Variants in MTA3 observed in about 807,000 individuals in gnomAD.
MTA3 encodes the protein metastasis associated 1 family member 3, also known as metastasis-associated protein MTA3.
Under a neutral mutation model 83.5 loss-of-function variants are expected in MTA3, and 34 were observed. That is an observed-to-expected ratio of 0.41 (90% confidence interval 0.31 to 0.54). MTA3 has a LOEUF of 0.54. Among genes scored for constraint, MTA3 ranks in the 20% least tolerant of loss-of-function variants. The pLI is 0.33. For missense variants in MTA3, 761 were observed against 726.4 expected (o/e 1.05, Z -0.55); for synonymous variants, 303 against 252.7 (o/e 1.20, Z -1.89).
intron 8 of MTA3, among the ~76,000 whole-genome samples, chr2:42,663,837 T>C (rs1380740796): frequency 6.6e-6 from 1 of 152,186 alleles, no homozygotes; most frequent in African/African-American, 2.4e-5. Context: ...CCCTTCAGTG[T>C]TTTTTATCTC....
chr2:42,662,252 G>A (rs1029216111), intron 8 of MTA3, among the ~76,000 whole-genome samples: 4 of 151,930 alleles, frequency 2.6e-5, no homozygotes. Flanking sequence ...TACTCATAAT[G>A]CTATGTTGAA....
chr2:42,615,467 T>C (rs974570582), intron 4 of MTA3, among the ~76,000 whole-genome samples: 2 of 151,940 alleles, frequency 1.3e-5, no homozygotes, highest in Admixed American at 6.6e-5. Context: ...GCGATTCTCT[T>C]GTCTCTGCCT....
In MTA3 at chr2:42,712,213, G is replaced by T. The variant is rs543224745; in HGVS notation, c.1525+3117G>T. Among the ~76,000 whole-genome samples, 8 of 152,286 alleles carry T rather than the reference G, an allele frequency of 5.3e-5. No homozygotes were observed. In the East Asian group the frequency reaches 1.5e-3, roughly 29 times the overall value. ...ATTCATAAAATATCTCAAAGAATAT[G>T]TAAAGAGTAATGACATCTGAGGTAA... On this transcript the variant is annotated intron_variant, in intron 14 of 16. Coordinates refer to ENST00000405094, the MANE Select transcript of MTA3 (RefSeq NM_001330442.2).
intron 6 of MTA3, among the ~76,000 whole-genome samples, chr2:42,652,377 C>G (rs891269185): frequency 2.6e-5 from 4 of 152,204 alleles, no homozygotes; most frequent in Non-Finnish European, 5.9e-5. Context: ...GATCTCCCCC[C>G]ATCCCCCCAC....
In MTA3 at chr2:42,659,840, C is replaced by T; in HGVS notation, c.680C>T (p.Ala227Val). ...RQPSLHMSAA[A>V]ASRDITLFHA... ...CCTAGTTTGCATATGAGTGCTGCTG[C>T]AGCTTCCCGAGACATCACCTTGGTA... is the stretch of plus-strand genomic sequence containing the variant. The change falls in exon 8 of 17, where the codon GCA (alanine) becomes GTA (valine). Residue 227 changes from alanine (A) to valine (V), a missense_variant. Coordinates refer to ENST00000405094, the MANE Select transcript of MTA3 (RefSeq NM_001330442.2). 6.2e-7 allele frequency: 1 copy of T among 1,604,798 alleles called. No homozygotes were observed. The highest frequency in any genetic ancestry group is 8.5e-7 in the Non-Finnish European group (1 of 1,175,708).
chr2:42,702,116 C>T (rs537937305), intron 11 of MTA3, among the ~76,000 whole-genome samples: 2 of 152,086 alleles, frequency 1.3e-5, no homozygotes, highest in African/African-American at 4.8e-5. Flanking sequence ...GAGGCTGAGG[C>T]AGGAGAATCG....
chr2:42,634,078 T>C (rs1464137357), intron 4 of MTA3, among the ~76,000 whole-genome samples: 1 of 152,126 alleles, frequency 6.6e-6, no homozygotes, highest in Non-Finnish European at 1.5e-5. Flanking sequence ...GGGGTGCTAC[T>C]GTCATCCACT....
chr2:42,735,252 GT>G (rs1245032853), intron 16 of MTA3, among the ~76,000 whole-genome samples: 1 of 152,096 alleles, frequency 6.6e-6, no homozygotes, highest in Non-Finnish European at 1.5e-5. Context: ...TAAGATAAAA[GT>G]TTTTTTCCTT....
intron 2 of MTA3, among the ~76,000 whole-genome samples, chr2:42,495,700 G>C (rs1414229309): frequency 3.3e-5 from 5 of 152,122 alleles, no homozygotes; most frequent in Middle Eastern, 3.2e-3. Flanking sequence ...ATTTAAATTG[G>C]ATCCCATAAG....
intron 14 of MTA3, among the ~76,000 whole-genome samples, chr2:42,717,730 C>G (rs1224673644): frequency 2.0e-5 from 3 of 152,150 alleles, no homozygotes; most frequent in Non-Finnish European, 4.4e-5. Context: ...AGTGATAAAA[C>G]CAAATGGCCC....
At position 42,591,634 on chromosome 2, in the gene MTA3, T is replaced by TTTTTATTTTA. The variant is rs138821341; in HGVS notation, c.190+12438_190+12447dup. Among the ~76,000 whole-genome samples, 533 of 150,210 alleles carry TTTTTATTTTA rather than the reference T, an allele frequency of 3.5e-3. 1 individual carries two copies. The highest frequency in any genetic ancestry group is 5.8e-3 in the African/African-American group (237 of 41,168). The stretch of plus-strand genomic sequence containing the variant: ...ATCCTTATTCTATAAGCTTTTTTTC[T>TTTTTATTTTA]TTTTATTTTATTTATTTTTTATTTT... On this transcript the variant is annotated intron_variant, in intron 3 of 16. Coordinates refer to ENST00000405094, the MANE Select transcript of MTA3 (RefSeq NM_001330442.2).
chr2:42,517,497 C>T (rs1208196193), intron 2 of MTA3, among the ~76,000 whole-genome samples: 1 of 149,116 alleles, frequency 6.7e-6, no homozygotes. Context: ...TGCTTCAATC[C>T]GGGAGGTGGA....
intron 4 of MTA3, among the ~76,000 whole-genome samples, chr2:42,611,762 C>G (rs547423476): frequency 6.6e-6 from 1 of 152,174 alleles, no homozygotes; most frequent in South Asian, 2.1e-4. Context: ...CTGCTGTGAG[C>G]CACAGTTATA....
At chr2:42,706,727 TACAAAACAAAAACTA>T (rs1386690703) in intron 12 of MTA3, among the ~76,000 whole-genome samples, 3 of 152,224 alleles carry the variant, frequency 2.0e-5, no homozygotes, top group Non-Finnish European at 4.4e-5. Context: ...TAATTTAAAC[TACAAAACAAAAACTA>T]ACACAAGCTT....
intron 9 of MTA3, among the ~76,000 whole-genome samples, chr2:42,690,831 AC>A (rs1006851594): frequency 3.6e-5 from 5 of 139,478 alleles, no homozygotes; most frequent in Non-Finnish European, 6.3e-5. Context: ...CACGCCACCA[AC>A]CCCAGCTAAT....
Position 42,549,526 on chromosome 2 carries a change from TATAATATACATATATTAC to T in MTA3, c.-140-20902_-140-20885del, listed in dbSNP as rs1327443132. 2.7e-5 allele frequency among the ~76,000 whole-genome samples: 3 copies of T among 109,824 alleles called. No homozygotes were observed. The Admixed American group carries it at 3.9e-4, about 14-fold the overall frequency. The allele number at this position is 109,824 out of a possible 152,430, so 72.0% of individuals were successfully genotyped here. On this transcript the variant is annotated intron_variant, in intron 2 of 17. Coordinates refer to the MTA3 transcript ENST00000405592. The stretch of plus-strand genomic sequence containing the variant: ...CATATATAATATATATGATATAATA[TATAATATACATATATTAC>T]ATAATATATATTATATACATATACA...
At chr2:42,679,479 G>C (rs1691675376) in intron 8 of MTA3, among the ~76,000 whole-genome samples, 1 of 152,330 alleles carries the variant, frequency 6.6e-6, no homozygotes, top group South Asian at 2.1e-4. Context: ...AAGATGATCA[G>C]ATAGGGCATG....
intron 2 of MTA3, among the ~76,000 whole-genome samples, chr2:42,515,605 C>T (rs761922700): frequency 3.3e-5 from 5 of 151,798 alleles, no homozygotes; most frequent in South Asian, 2.1e-4. Flanking sequence ...TAGGTTCAAG[C>T]GATTCTCCTG....
intron 16 of MTA3, among the ~76,000 whole-genome samples, chr2:42,741,895 CT>C (rs1490383586): frequency 1.3e-5 from 2 of 152,070 alleles, no homozygotes; most frequent in African/African-American, 4.8e-5. Context: ...GCACGTGCTG[CT>C]GGAAAAATGG....
Sources: allele counts gnomAD v4.1 joint callset (sites outside exome capture counted in the v4.1 genomes callset), GRCh38; gene constraint gnomAD v4.1.1; transcripts MANE v1.5; gene names NCBI Gene and HGNC (gene_info 2026-07-23, HGNC 2026-07-21).